Variants in NOTCH1 observed in about 807,000 individuals in gnomAD.
NOTCH1 encodes the protein notch receptor 1.
A neutral mutation model predicts 254.8 loss-of-function variants in NOTCH1; 37 were observed. The ratio of observed to expected loss-of-function variants is 0.15; its 90% confidence interval spans 0.11 to 0.19. NOTCH1 has a LOEUF of 0.19. Ranked by LOEUF, NOTCH1 falls within the 10% of genes least tolerant of loss-of-function variation. NOTCH1 has a pLI of 1.00. For synonymous variants in NOTCH1, 1,731 were observed against 1,618.1 expected, an observed-to-expected ratio of 1.07 and a Z score of -1.68; for missense variants, 2,972 against 3,708.6, an observed-to-expected ratio of 0.80 and a Z score of 5.16.
At chr9:136,505,199 T>C in intron 25 of NOTCH1, 95 bp from the exon 26 acceptor site, 3 of 1,517,042 alleles carry the variant, frequency 2.0e-6, no homozygotes, top group Non-Finnish European at 1.8e-6. Flanking sequence ...GCGGGGGACG[T>C]CCCTGCACCC....
rs67460762 is a variant in NOTCH1, at chr9:136,522,212, T to C, written c.742+638A>G. Reference sequence around the variant, plus strand: ...CAGGATGGTCTCCATCTCCTGACCTTGTGATCTGCCCACCTCGGCCTCCCA... The same window carrying C: ...CAGGATGGTCTCCATCTCCTGACCTCGTGATCTGCCCACCTCGGCCTCCCA... On this transcript the variant is annotated intron_variant, in intron 4 of 33. Coordinates refer to ENST00000651671, the MANE Select transcript of NOTCH1 (RefSeq NM_017617.5). 7.0e-3 allele frequency among the ~76,000 whole-genome samples: 1,069 copies of C among 152,216 alleles called. 5 individuals carry two copies. Among genetic ancestry groups the C allele is most frequent in the Non-Finnish European group, 0.011 (747 of 67,994 alleles).
chr9:136,508,612 A>G (rs1843127313), intron 19 of NOTCH1, among the ~76,000 whole-genome samples: 1 of 152,226 alleles, frequency 6.6e-6, no homozygotes, highest in Admixed American at 6.5e-5. Context: ...CTTTGCTAGA[A>G]GGAACACTTT....
intron 1 of NOTCH1, among the ~76,000 whole-genome samples, chr9:136,544,677 T>TA (rs1843785706): frequency 6.6e-6 from 1 of 152,002 alleles, no homozygotes; most frequent in Non-Finnish European, 1.5e-5. Flanking sequence ...GAGCGGCCCA[T>TA]TGTGGAGTCG....
chr9:136,500,951 G>A, intron 30 of NOTCH1, 104 bp from the exon 31 acceptor site: 2 of 1,282,534 alleles, frequency 1.6e-6, no homozygotes, highest in Non-Finnish European at 2.1e-6. Context: ...CGGTGTGGAT[G>A]CACCACCCAG....
At chr9:136,539,681 C>T (rs561292055) in intron 2 of NOTCH1, among the ~76,000 whole-genome samples, 77 of 152,338 alleles carry the variant, frequency 5.1e-4, no homozygotes, top group African/African-American at 1.7e-3. Context: ...CTAACCCTGG[C>T]GCCCTTGAAG....
chr9:136,497,434 T>C lies in NOTCH1; in HGVS notation c.6305A>G (p.Gln2102Arg). Residue 2102 changes from glutamine to arginine, a missense_variant, in exon 34 of 34, where the codon CAG (glutamine) becomes CGG (arginine). Transcript: ENST00000651671. ...HMDRLPRDIA[Q>R]ERMHHDIVRL... Reference sequence around the variant, plus strand: ...CACGATGTCGTGATGCATGCGCTCCTGTGCGATGTCGCGCGGCAGGCGGTC... The same window carrying C: ...CACGATGTCGTGATGCATGCGCTCCCGTGCGATGTCGCGCGGCAGGCGGTC... 6.2e-7 allele frequency: 1 copy of C among 1,612,246 alleles called. No homozygotes were observed. The highest frequency in any genetic ancestry group is 8.5e-7 in the Non-Finnish European group (1 of 1,179,920).
chr9:136,528,115 T>C (rs1450386389), intron 2 of NOTCH1, among the ~76,000 whole-genome samples: 1 of 150,836 alleles, frequency 6.6e-6, no homozygotes, highest in East Asian at 2.0e-4. Context: ...CGCCCCAAAA[T>C]GAGAAGGAGG....
At chr9:136,511,421 G>T in intron 15 of NOTCH1, 150 bp from the exon 16 acceptor site, 1 of 975,480 alleles carries the variant, frequency 1.0e-6, no homozygotes, top group Non-Finnish European at 1.5e-6. Flanking sequence ...AGCGCTCCCG[G>T]CTGTGCCAGG....
intron 2 of NOTCH1, among the ~76,000 whole-genome samples, chr9:136,533,401 G>C (rs1843592884): frequency 6.6e-6 from 1 of 152,238 alleles, no homozygotes; most frequent in Non-Finnish European, 1.5e-5. Flanking sequence ...TCCAGTAACT[G>C]TGTGTTTCCG....
Position 136,494,868 on chromosome 9 carries a change from C to T in NOTCH1, c.*1203G>A, listed in dbSNP as rs1213386719. 2.5e-6 allele frequency: 1 copy of T among 398,684 alleles called. No homozygotes were observed. The allele number at this position is 398,684 out of a possible 1,614,324, so 24.7% of individuals were successfully genotyped here. The stretch of plus-strand genomic sequence containing the variant: ...ATACTTGGTATTGCAAAAATCTGCT[C>T]CTCCCAAACTAGGAGGGGTGGCCCA... On this transcript the variant is annotated 3_prime_UTR_variant, in exon 34 of 34. Transcript: ENST00000651671.
rs774754192 is a variant in NOTCH1 at position 136,515,465 on chromosome 9, A to T, written c.1903+18T>A. ...CCTGCCCACTGGCCCCCCGCCGGCC[A>T]CCCGCCTGGCCGGCCACCTGTGGTC... On this transcript the variant is annotated intron_variant, in intron 11 of 33. Transcript: ENST00000651671. 1 of 1,610,742 alleles carries T rather than the reference A, an allele frequency of 6.2e-7. No homozygotes were observed. Among genetic ancestry groups the T allele is most frequent in the Non-Finnish European group, 8.5e-7 (1 of 1,179,154 alleles).
chr9:136,501,944 G>A (rs1589056321), intron 29 of NOTCH1, 31 bp from the exon 30 acceptor site: 1 of 1,611,514 alleles, frequency 6.2e-7, no homozygotes, highest in Non-Finnish European at 8.5e-7. Context: ...GAGCCTGTCA[G>A]GGCAGCCCGG....
Position 136,502,466 on chromosome 9 carries a change from CG to C in NOTCH1, c.5189del (p.Pro1730ArgfsTer68). 2 of 1,584,030 alleles carry C rather than the reference CG, an allele frequency of 1.3e-6. No homozygotes were observed. The highest frequency in any genetic ancestry group is 8.6e-7 in the Non-Finnish European group (1 of 1,166,830). ...AVQSETVEPP[P>X]PAQLHFMYVA... Reference sequence around the variant, plus strand: ...CGTACATGAAGTGCAGCTGCGCCGGCGGGGGCGGCTCCACGGTCTCACCTGC... The same window carrying C: ...CGTACATGAAGTGCAGCTGCGCCGGCGGGGCGGCTCCACGGTCTCACCTGC... On this transcript the variant is annotated frameshift_variant, in exon 28 of 34. Coordinates refer to ENST00000651671, the MANE Select transcript of NOTCH1 (RefSeq NM_017617.5). LOFTEE classifies it high-confidence loss of function.
Position 136,510,749 on chromosome 9 carries a change from C to T in NOTCH1, c.2644G>A (p.Ala882Thr), listed in dbSNP as rs767886377. The T allele has an allele frequency of 7.5e-6, 12 of 1,610,490 alleles. No individual in the cohort carries two copies. The highest frequency in any genetic ancestry group is 6.6e-5 in the South Asian group (6 of 91,086). ...ECVLSPCRHG[A>T]SCQNTHGGYR... ...CCGCCGTGGGTGTTCTGGCAGGATG[C>T]GCCGTGCCGGCACGGGCTCAGAACG... The change falls in exon 17 of 34, where the codon GCA becomes ACA. Residue 882 changes from alanine to threonine, a missense_variant. Ala to Thr is a moderately conservative substitution (Grantham distance 58). This residue lies in a region of NOTCH1 where 1,343 missense variants were observed against 1,557.0 expected (regional missense o/e 0.86). Transcript: ENST00000651671.
rs1034165273 is a variant in NOTCH1 at position 136,545,219 on chromosome 9, C to A, written c.61+507G>T. On this transcript the variant is annotated intron_variant, in intron 1 of 33. Transcript: ENST00000651671. The surrounding 1 kb of genome is among the most constrained non-coding windows in gnomAD (Gnocchi z 6.8). ...CGGGGCGACCGGGAGCCCGGGGACC[C>A]AGCCCGGCCGCGCGGGTCAGTGAAG... Among the ~76,000 whole-genome samples the A allele has an allele frequency of 3.3e-5, 5 of 152,044 alleles. No individual in the cohort carries two copies. Among genetic ancestry groups the A allele is most frequent in the Non-Finnish European group, 7.4e-5 (5 of 67,972 alleles).
At position 136,497,052 on chromosome 9, in the gene NOTCH1, C is replaced by A; in HGVS notation, c.6687G>T (p.Val2229=). 1 of 1,609,642 alleles carries A rather than the reference C, an allele frequency of 6.2e-7. No homozygotes were observed. Among genetic ancestry groups the A allele is most frequent in the Non-Finnish European group, 8.5e-7 (1 of 1,178,308 alleles). ...LPSPFQQSPS[V]PLNHLPGMPD... ...GCATCCCAGGCAGGTGGTTGAGGGGCACGGACGGAGACTGCTGGAACGGGG... is the reference window on the plus strand; with the variant it reads ...GCATCCCAGGCAGGTGGTTGAGGGGAACGGACGGAGACTGCTGGAACGGGG... The change falls in exon 34 of 34, where the codon GTG becomes GTT. Residue 2229 remains valine (V), a synonymous_variant. Coordinates refer to ENST00000651671, the MANE Select transcript of NOTCH1 (RefSeq NM_017617.5).
chr9:136,530,743 T>G (rs1260675687), intron 2 of NOTCH1, among the ~76,000 whole-genome samples: 1 of 152,128 alleles, frequency 6.6e-6, no homozygotes, highest in Non-Finnish European at 1.5e-5. Context: ...GACAAACCTC[T>G]TGAGTTGGAG....
rs1842980218 is a variant in NOTCH1, at chr9:136,500,630, T to C, written c.5856A>G (p.Ala1952=). ...DAAKRLLEAS[A]DANIQDNMGR... ...CCATGTTGTCCTGGATGTTGGCATC[T>C]GCGCTGGCCTCCAGCAGGCGCTTGG... is the stretch of plus-strand genomic sequence containing the variant. The change falls in exon 31 of 34, where the codon GCA becomes GCG. Residue 1952 remains alanine (A), a synonymous_variant. Transcript: ENST00000651671. The C allele has an allele frequency of 6.2e-7, 1 of 1,612,092 alleles. No homozygotes were observed. Among genetic ancestry groups the C allele is most frequent in the African/African-American group, 1.3e-5 (1 of 75,070 alleles).
chr9:136,515,834 C>T, intron 10 of NOTCH1, 118 bp from the exon 11 acceptor site: 3 of 1,175,200 alleles, frequency 2.6e-6, no homozygotes, highest in Non-Finnish European at 3.6e-6. Context: ...GTGGCATTCC[C>T]ACCTACTCAG....
Sources: allele counts gnomAD v4.1 joint callset (sites outside exome capture counted in the v4.1 genomes callset), GRCh38; gene constraint gnomAD v4.1.1; regional missense constraint gnomAD v4.1.1; non-coding constraint Gnocchi (gnomAD v3.1); transcripts MANE v1.5; gene names NCBI Gene and HGNC (gene_info 2026-07-23, HGNC 2026-07-21).